The following MAST4 variants were observed in gnomAD, a reference collection of about 807,000 sequenced individuals.
MAST4 encodes microtubule-associated serine/threonine-protein kinase 4.
MAST4 carries 89 observed loss-of-function variants against 162.7 expected under a neutral mutation model. The ratio of observed to expected loss-of-function variants is 0.55; its 90% CI spans 0.46 to 0.65. MAST4 has a LOEUF of 0.65. MAST4 is among the 30% of genes least tolerant of loss of function. The pLI is 0.00. For missense variants in MAST4, 3,153 were observed against 3,374.0 expected, an observed-to-expected ratio of 0.93 and a Z score of 1.62; for synonymous variants, 1,479 against 1,361.1, an observed-to-expected ratio of 1.09 and a Z score of -1.91.
chr5:66,959,342 C>T (rs775293940), intron 4 of MAST4: 10 of 778,736 alleles, frequency 1.3e-5, no homozygotes, highest in Non-Finnish European at 1.9e-5. Context: ...GCATGGCACT[C>T]GCTTTCTGGC....
chr5:66,828,734 G>A lies in MAST4; in HGVS notation c.642+39940G>A. The A allele has an allele frequency of 1.9e-5, 28 of 1,500,434 alleles. No homozygotes were observed. The South Asian group carries it at 3.4e-4, about 18-fold the overall frequency. The allele number at this position is 1,500,434 out of a possible 1,614,324, so 92.9% of individuals were successfully genotyped here. On this transcript the variant is annotated intron_variant, in intron 3 of 28. Coordinates refer to ENST00000403625, the MANE Select transcript of MAST4 (RefSeq NM_001164664.2). ...TGACTCCGGGCTCCAATCAGCTAGA[G>A]CGTGATGTAAGTGTTTAGCAGCTGC...
At chr5:66,704,721 C>T (rs1389867486) in intron 1 of MAST4, among the ~76,000 whole-genome samples, 1 of 152,032 alleles carries the variant, frequency 6.6e-6, no homozygotes, top group Non-Finnish European at 1.5e-5. Context: ...AGGATGGTCT[C>T]TATCTCCTGA....
At chr5:67,120,914 A>C (rs1767497059) in intron 13 of MAST4, 103 bp from the exon 14 acceptor site, 2 of 820,270 alleles carry the variant, frequency 2.4e-6, no homozygotes, top group African/African-American at 1.7e-5. Flanking sequence ...CTGTACTTCA[A>C]CATATTACAT....
intron 4 of MAST4, among the ~76,000 whole-genome samples, chr5:66,951,630 G>GTATA (rs981819881): frequency 6.8e-6 from 1 of 147,126 alleles, no homozygotes. Context: ...GTGTGTGTGT[G>GTATA]TGTGTGTGTG....
At chr5:66,789,714 C>A in intron 3 of MAST4, 1 of 518,736 alleles carries the variant, frequency 1.9e-6, no homozygotes, top group Non-Finnish European at 3.8e-6. Context: ...CAAAGTGTTG[C>A]CTGATTTCTC....
chr5:66,772,591 C>A (rs532689311), intron 2 of MAST4, among the ~76,000 whole-genome samples: 2 of 152,134 alleles, frequency 1.3e-5, no homozygotes, highest in African/African-American at 4.8e-5. Context: ...AGATGTAGAT[C>A]AGAGAGAGAA....
intron 4 of MAST4, among the ~76,000 whole-genome samples, chr5:66,969,230 AG>A (rs887055157): frequency 2.0e-5 from 3 of 152,102 alleles, no homozygotes; most frequent in African/African-American, 7.2e-5. Flanking sequence ...ATTTCAGCAT[AG>A]ACCCCACCTA....
intron 5 of MAST4, among the ~76,000 whole-genome samples, chr5:67,063,684 T>C (rs1005419685): frequency 3.9e-5 from 6 of 152,182 alleles, no homozygotes; most frequent in Admixed American, 6.5e-5. Context: ...AGGGCAGGTT[T>C]TTCATTCTGT....
intron 1 of MAST4, among the ~76,000 whole-genome samples, chr5:66,750,610 G>C (rs1300107269): frequency 6.6e-6 from 1 of 152,206 alleles, no homozygotes; most frequent in African/African-American, 2.4e-5. Flanking sequence ...CGGCGCACCA[G>C]GAGATTATAT....
rs755337217 is a variant in MAST4 at position 67,166,644 on chromosome 5, G to A, written c.7465G>A (p.Gly2489Arg). Residue 2489 changes from glycine to arginine, a missense_variant, in exon 29 of 29, where the codon GGG (glycine) becomes AGG (arginine). Transcript: ENST00000403625. ...SSDTSSAKAA[G>R]GMLELPAPSN... ...CGACACCTCTTCTGCCAAGGCCGCC[G>A]GGGGCATGCTGGAGCTTCCAGCCCC... 9.4e-6 allele frequency: 15 copies of A among 1,600,060 alleles called. No individual in the cohort carries two copies. Among genetic ancestry groups the A allele is most frequent in the African/African-American group, 1.3e-5 (1 of 74,620 alleles).
chr5:66,709,928 C>T (rs112846397), intron 1 of MAST4, among the ~76,000 whole-genome samples: 2,806 of 152,230 alleles, frequency 0.018, 84 homozygotes, highest in African/African-American at 0.063. Context: ...GTGAGCCATT[C>T]TAATGTTAGG....
At chr5:66,916,175 AT>A (rs1764105835) in intron 4 of MAST4, among the ~76,000 whole-genome samples, 1 of 152,256 alleles carries the variant, frequency 6.6e-6, no homozygotes, top group Non-Finnish European at 1.5e-5. Flanking sequence ...TTTAAAAATA[AT>A]TTTAATGCGA....
intron 4 of MAST4, among the ~76,000 whole-genome samples, chr5:67,002,831 C>T (rs1751444650): frequency 6.6e-6 from 1 of 151,862 alleles, no homozygotes; most frequent in Non-Finnish European, 1.5e-5. Context: ...TAAACCAGTG[C>T]TCTGTATCAC....
intron 7 of MAST4, among the ~76,000 whole-genome samples, chr5:67,100,004 T>C (rs961186296): frequency 7.9e-5 from 12 of 152,176 alleles, no homozygotes; most frequent in African/African-American, 2.9e-4. Context: ...ATTGACGATC[T>C]CATATCATAC....
At chr5:66,692,177 G>A (rs187437237) in intron 1 of MAST4, among the ~76,000 whole-genome samples, 21 of 152,162 alleles carry the variant, frequency 1.4e-4, no homozygotes, top group African/African-American at 4.6e-4. Flanking sequence ...TCTCTCGCTC[G>A]CTTGCTCTCT....
intron 4 of MAST4, among the ~76,000 whole-genome samples, chr5:67,039,689 G>A (rs1756480071): frequency 6.6e-6 from 1 of 152,140 alleles, no homozygotes; most frequent in Non-Finnish European, 1.5e-5. Context: ...CTCATTAACT[G>A]AAGCACTGTG....
chr5:66,739,362 C>G (rs949349596), intron 1 of MAST4, among the ~76,000 whole-genome samples: 27 of 152,054 alleles, frequency 1.8e-4, no homozygotes, highest in African/African-American at 5.8e-4. Context: ...TTTCCTGGGG[C>G]AGGAATTTTT....
At chr5:67,057,719 C>T (rs1759025869) in intron 5 of MAST4, among the ~76,000 whole-genome samples, 1 of 151,028 alleles carries the variant, frequency 6.6e-6, no homozygotes, top group South Asian at 2.1e-4. Flanking sequence ...GACTAGTGTA[C>T]CTCTCTTACA....
At chr5:66,754,420 A>G (rs1439729266) in intron 1 of MAST4, among the ~76,000 whole-genome samples, 3 of 152,210 alleles carry the variant, frequency 2.0e-5, no homozygotes, top group African/African-American at 7.2e-5. Context: ...CCACACATGA[A>G]GTGTTCAGTT....
Sources: gnomAD v4.1 joint callset for allele counts (sites outside exome capture counted in the v4.1 genomes callset) on GRCh38, gnomAD v4.1.1 for gene constraint, MANE v1.5 for transcripts, NCBI Gene and HGNC (gene_info 2026-07-23, HGNC 2026-07-21) for gene names.